The following GRXCR1 variants were observed in gnomAD, a reference collection of about 807,000 sequenced individuals.
GRXCR1 encodes the protein glutaredoxin domain-containing cysteine-rich protein 1.
Under a neutral mutation model 27.3 loss-of-function variants are expected in GRXCR1, and 27 were observed. That is an observed-to-expected ratio of 0.99 (90% CI 0.73 to 1.37). GRXCR1 has a LOEUF of 1.37. Among genes scored for constraint, GRXCR1 ranks in the 40% most tolerant of loss-of-function variants. GRXCR1 has a pLI of 0.00. For missense variants in GRXCR1, 379 were observed against 354.4 expected, an observed-to-expected ratio of 1.07 and a Z score of -0.56; for synonymous variants, 122 against 131.1, an observed-to-expected ratio of 0.93 and a Z score of 0.47.
chr4:42,978,277 A>G (rs1444788865), intron 2 of GRXCR1, among the ~76,000 whole-genome samples: 1 of 151,964 alleles, frequency 6.6e-6, no homozygotes, highest in Non-Finnish European at 1.5e-5. Context: ...CTCAAGATTT[A>G]TTTAGCTATT....
chr4:42,932,617 TATAGAGAGAGAGAGAG>T (rs1181425902), intron 1 of GRXCR1, among the ~76,000 whole-genome samples: 8 of 29,136 alleles, frequency 2.7e-4, no homozygotes, highest in East Asian at 2.1e-3. Flanking sequence ...TATATATATA[TATAGAGAGAGAGAGAG>T]AGAGAGAGAG....
chr4:42,896,012 A>C (rs1425889485), intron 1 of GRXCR1, among the ~76,000 whole-genome samples: 2 of 152,156 alleles, frequency 1.3e-5, no homozygotes, highest in African/African-American at 4.8e-5. Flanking sequence ...TGCACAGCCA[A>C]TCTTATTGAA....
chr4:42,970,827 C>T (rs1307537823), intron 2 of GRXCR1, among the ~76,000 whole-genome samples: 1 of 152,128 alleles, frequency 6.6e-6, no homozygotes, highest in Non-Finnish European at 1.5e-5. Context: ...TGAATTTCTC[C>T]GCAGAAAATC....
chr4:42,960,437 G>T (rs929627612), intron 1 of GRXCR1, among the ~76,000 whole-genome samples: 1 of 151,918 alleles, frequency 6.6e-6, no homozygotes, highest in East Asian at 1.9e-4. Context: ...AGGAGGTATA[G>T]ACCCTTGGGC....
intron 1 of GRXCR1, among the ~76,000 whole-genome samples, chr4:42,933,825 C>T (rs1747389165): frequency 6.6e-6 from 1 of 151,740 alleles, no homozygotes; most frequent in African/African-American, 2.4e-5. Context: ...TTAAAGCCAC[C>T]CAGTTGATGA....
chr4:43,020,514 TG>T, intron 3 of GRXCR1, 95 bp downstream of exon 3: 1 of 816,012 alleles, frequency 1.2e-6, no homozygotes, highest in South Asian at 1.4e-5. Flanking sequence ...TCTCTCCCCA[TG>T]TTCTTACAAA....
chr4:42,962,420 T>C (rs2109774681), intron 1 of GRXCR1, among the ~76,000 whole-genome samples: 1 of 152,108 alleles, frequency 6.6e-6, no homozygotes, highest in East Asian at 1.9e-4. Context: ...ATAGGTCTTG[T>C]TATTCCCAGG....
At chr4:42,967,333 T>C (rs1273975536) in intron 2 of GRXCR1, among the ~76,000 whole-genome samples, 1 of 152,152 alleles carries the variant, frequency 6.6e-6, no homozygotes, top group African/African-American at 2.4e-5. Context: ...CTTTGCTGTG[T>C]TGTCAAAGAT....
intron 2 of GRXCR1, among the ~76,000 whole-genome samples, chr4:43,009,685 C>T (rs556844350): frequency 1.3e-5 from 2 of 152,114 alleles, no homozygotes; most frequent in East Asian, 3.9e-4. Context: ...CAAAGCAGCT[C>T]TCTGGGTCCT....
intron 1 of GRXCR1, among the ~76,000 whole-genome samples, chr4:42,932,890 C>T (rs1747363048): frequency 1.3e-5 from 2 of 151,500 alleles, no homozygotes; most frequent in African/African-American, 4.8e-5. Flanking sequence ...CATCCTATGC[C>T]TTGAGGTGGA....
rs3047831 is a variant in GRXCR1 at position 43,014,054 on chromosome 4, C to CAA, written c.628-6284_628-6283dup. On this transcript the variant is annotated intron_variant, in intron 2 of 3. Coordinates refer to ENST00000399770, the MANE Select transcript of GRXCR1 (RefSeq NM_001080476.3). ...CCCAAAGGTCTGTATTACATAATTG[C>CAA]AAAAAAAAAAAAAAAAAGTCAACTA... 2.9e-3 allele frequency among the ~76,000 whole-genome samples: 357 copies of CAA among 123,730 alleles called. 1 individual carries two copies. The highest frequency in any genetic ancestry group is 9.6e-3 in the African/African-American group (336 of 35,050). The allele number at this position is 123,730 out of a possible 152,430, so 81.2% of individuals were successfully genotyped here.
intron 2 of GRXCR1, among the ~76,000 whole-genome samples, chr4:43,001,358 G>A (rs186338774): frequency 1.4e-4 from 21 of 152,120 alleles, no homozygotes; most frequent in Admixed American, 2.6e-4. Flanking sequence ...ATAATTGGGC[G>A]TAGGGCTTGA....
intron 1 of GRXCR1, among the ~76,000 whole-genome samples, chr4:42,955,984 G>C (rs1490173844): frequency 6.6e-6 from 1 of 152,082 alleles, no homozygotes; most frequent in Non-Finnish European, 1.5e-5. Context: ...AGTTTCAGTG[G>C]ATGTGGAAGC....
chr4:42,950,535 C>G (rs4147409), intron 1 of GRXCR1, among the ~76,000 whole-genome samples: 127,543 of 152,168 alleles, frequency 0.84, 53,778 homozygotes, highest in East Asian at 0.99. Flanking sequence ...ATTCATATTA[C>G]AAGATAGACA....
intron 2 of GRXCR1, among the ~76,000 whole-genome samples, chr4:42,988,906 A>G (rs1438957274): frequency 2.6e-5 from 4 of 152,190 alleles, no homozygotes; most frequent in Admixed American, 2.0e-4. Context: ...GGAGCAAGTA[A>G]AATTTCTCTC....
At chr4:42,913,914 A>C (rs1746826300) in intron 1 of GRXCR1, among the ~76,000 whole-genome samples, 1 of 152,220 alleles carries the variant, frequency 6.6e-6, no homozygotes, top group Admixed American at 6.5e-5. Context: ...CAGAGGATGA[A>C]AGCCCCAAGC....
rs1403370821 is a variant in GRXCR1, at chr4:43,030,501, T to C, written c.834T>C (p.Asn278=). The part of the protein sequence containing the change: ...SFKALKCTAC[N]ENGLQRCKNC... The stretch of plus-strand genomic sequence containing the variant: ...AAGCCCTGAAGTGTACGGCTTGCAA[T>C]GAAAATGGTCTTCAGCGTTGTAAGA... Residue 278 remains asparagine (N), a synonymous_variant, in exon 4 of 4, where the codon AAT becomes AAC. Coordinates refer to ENST00000399770, the MANE Select transcript of GRXCR1 (RefSeq NM_001080476.3). The C allele has an allele frequency of 1.2e-6, 2 of 1,614,158 alleles. No homozygotes were observed. The highest frequency in any genetic ancestry group is 1.7e-5 in the Admixed American group (1 of 60,030).
chr4:42,944,061 T>C (rs900675115), intron 1 of GRXCR1, among the ~76,000 whole-genome samples: 8 of 152,006 alleles, frequency 5.3e-5, no homozygotes, highest in African/African-American at 1.9e-4. Flanking sequence ...CGTTTGGCAA[T>C]AGGAAGGCAG....
At chr4:42,913,215 T>C (rs1278877373) in intron 1 of GRXCR1, among the ~76,000 whole-genome samples, 1 of 152,174 alleles carries the variant, frequency 6.6e-6, no homozygotes, top group Non-Finnish European at 1.5e-5. Context: ...TGGAAGTGTC[T>C]TTGGAACTGA....
Sources: allele counts gnomAD v4.1 joint callset (sites outside exome capture counted in the v4.1 genomes callset), GRCh38; gene constraint gnomAD v4.1.1; transcripts MANE v1.5; gene names NCBI Gene and HGNC (gene_info 2026-07-23, HGNC 2026-07-21).